DPP6: variants seen among roughly 807,000 people sequenced by gnomAD.
The protein encoded by DPP6 is dipeptidyl peptidase like 6, also known as A-type potassium channel modulatory protein DPP6.
Under a neutral mutation model 122.6 loss-of-function variants are expected in DPP6, and 69 were observed. That is an observed-to-expected ratio of 0.56 (90% CI 0.46 to 0.69). The LOEUF (loss-of-function observed/expected upper bound fraction) is 0.69. Ranked by LOEUF, DPP6 falls within the 30% of genes least tolerant of loss-of-function variation. The probability of loss-of-function intolerance (pLI) is 0.00; values close to 1 mark genes in which losing one functional copy is unlikely to be tolerated. For missense variants in DPP6, 928 were observed against 1,116.9 expected (o/e 0.83, Z 2.41); for synonymous variants, 418 against 433.1 (o/e 0.97, Z 0.43).
chr7:154,196,796 G>C (rs1217306003), intron 1 of DPP6, among the ~76,000 whole-genome samples: 1 of 152,102 alleles, frequency 6.6e-6, no homozygotes, highest in Admixed American at 6.5e-5. Context: ...AGCTCCCCAG[G>C]CTGGCTTTAT....
intron 2 of DPP6, among the ~76,000 whole-genome samples, chr7:154,451,147 G>A (rs1231786214): frequency 6.6e-6 from 1 of 152,042 alleles, no homozygotes; most frequent in Non-Finnish European, 1.5e-5. Flanking sequence ...CAGATCACGA[G>A]GTCAGGAGAT....
At chr7:153,936,609 A>G (rs1201237919) in intron 1 of DPP6, among the ~76,000 whole-genome samples, 1 of 151,980 alleles carries the variant, frequency 6.6e-6, no homozygotes, top group Non-Finnish European at 1.5e-5. Flanking sequence ...GATCGAGACC[A>G]TCCTGGCTAA....
chr7:154,060,031 C>A (rs1405430224), intron 1 of DPP6, among the ~76,000 whole-genome samples: 3 of 151,046 alleles, frequency 2.0e-5, no homozygotes, highest in Non-Finnish European at 1.5e-5. Context: ...GCACCCCCCG[C>A]GAGGCGGGGA....
chr7:154,206,468 A>G (rs982611966), intron 1 of DPP6, among the ~76,000 whole-genome samples: 2 of 152,178 alleles, frequency 1.3e-5, no homozygotes, highest in Admixed American at 1.3e-4. Flanking sequence ...CATATTGCTC[A>G]TCGGGGGTCA....
In DPP6 at chr7:154,843,333, C is replaced by G. The variant is rs185531730; in HGVS notation, c.1667-10447C>G. On this transcript the variant is annotated intron_variant, in intron 16 of 25. Transcript: ENST00000377770. The stretch of plus-strand genomic sequence containing the variant: ...ATAAATATATAAATAACAGCATATC[C>G]TATGTTCCAAGACTAGACCTAAACA... 2.6e-3 allele frequency among the ~76,000 whole-genome samples: 394 copies of G among 152,274 alleles called. 1 individual carries two copies. The highest frequency in any genetic ancestry group is 9.3e-3 in the African/African-American group (385 of 41,552).
chr7:153,808,110 G>A, the DPP6 span, among the ~76,000 whole-genome samples: 4 of 152,094 alleles, frequency 2.6e-5, no homozygotes, highest in Non-Finnish European at 5.9e-5. Flanking sequence ...GAGCGATATG[G>A]TGTTTTGATA....
At chr7:154,031,659 A>G (rs2533794) in intron 1 of DPP6, among the ~76,000 whole-genome samples, 12 of 152,082 alleles carry the variant, frequency 7.9e-5, no homozygotes, top group Admixed American at 1.3e-4. Context: ...CAGTCTCTGG[A>G]GATTCCCTTC....
In DPP6 at chr7:154,268,357, C is replaced by T. The variant is rs532481918; in HGVS notation, c.244-177857C>T. Among the ~76,000 whole-genome samples, 5 of 152,252 alleles carry T rather than the reference C, an allele frequency of 3.3e-5. No individual in the cohort carries two copies. The East Asian group carries it at 9.7e-4, about 29-fold the overall frequency. On this transcript the variant is annotated intron_variant, in intron 1 of 25. Coordinates refer to ENST00000377770, the MANE Select transcript of DPP6 (RefSeq NM_130797.4). ...GCTCACGGTTCTGGAACTTGGAAGT[C>T]CAAGATCAAAGTGGAAACAGATTCA...
intron 16 of DPP6, among the ~76,000 whole-genome samples, chr7:154,852,779 G>C (rs543677159): frequency 6.6e-6 from 1 of 152,240 alleles, no homozygotes; most frequent in African/African-American, 2.4e-5. Flanking sequence ...GTGTGGTAAT[G>C]AGTTCTACAA....
intron 1 of DPP6, among the ~76,000 whole-genome samples, chr7:153,900,007 A>T (rs1035821892): frequency 6.6e-6 from 1 of 152,336 alleles, no homozygotes; most frequent in African/African-American, 2.4e-5. Context: ...GTGGTTCCCA[A>T]CATGATGTGA....
chr7:154,370,410 A>T (rs2151117916), intron 1 of DPP6, among the ~76,000 whole-genome samples: 1 of 152,056 alleles, frequency 6.6e-6, no homozygotes, highest in South Asian at 2.1e-4. Flanking sequence ...GCTGGATGGG[A>T]GTTGAGAGTG....
chr7:153,863,418 C>T, the DPP6 span, among the ~76,000 whole-genome samples: 2 of 152,102 alleles, frequency 1.3e-5, no homozygotes, highest in Non-Finnish European at 2.9e-5. Context: ...CAACAACAAA[C>T]CTTCCAAGTG....
chr7:154,187,979 G>C (rs1798430796), intron 1 of DPP6, among the ~76,000 whole-genome samples: 2 of 152,100 alleles, frequency 1.3e-5, no homozygotes, highest in South Asian at 2.1e-4. Context: ...GTTGAGAACA[G>C]TAGAACCGTC....
At chr7:153,753,952 C>T in the DPP6 span, among the ~76,000 whole-genome samples, 1 of 152,304 alleles carries the variant, frequency 6.6e-6, no homozygotes, top group East Asian at 1.9e-4. Flanking sequence ...TGTTTCTTCT[C>T]AAGGTTTTCA....
chr7:154,656,636 TTGGACCACTCAC>T (rs1393460230), intron 6 of DPP6, among the ~76,000 whole-genome samples: 1 of 152,146 alleles, frequency 6.6e-6, no homozygotes, highest in Non-Finnish European at 1.5e-5. Flanking sequence ...GCCCTCAGAT[TTGGACCACTCAC>T]TGGATTGGAC....
In DPP6 at chr7:154,260,168, G is replaced by A. The variant is rs569466649; in HGVS notation, c.244-186046G>A. On this transcript the variant is annotated intron_variant, in intron 1 of 25. Transcript: ENST00000377770. ...AGAGGCAGCCACAAGTCTGTGGGGT[G>A]GGAGCGGTAGGAGAGGATGTGGGCT... 2.6e-5 allele frequency among the ~76,000 whole-genome samples: 4 copies of A among 152,294 alleles called. No individual in the cohort carries two copies. In the East Asian group the frequency reaches 7.7e-4, roughly 29 times the overall value.
intron 9 of DPP6, among the ~76,000 whole-genome samples, chr7:154,770,337 T>G (rs1043019625): frequency 6.6e-6 from 1 of 152,180 alleles, no homozygotes; most frequent in Admixed American, 6.5e-5. Context: ...CTTGTGAGAC[T>G]TATTCACTAT....
At chr7:153,757,394 A>T in the DPP6 span, among the ~76,000 whole-genome samples, 4 of 152,350 alleles carry the variant, frequency 2.6e-5, no homozygotes, top group African/African-American at 9.6e-5. Context: ...AAAAAAGCTG[A>T]CAATTCACTG....
intron 1 of DPP6, among the ~76,000 whole-genome samples, chr7:154,250,345 G>A (rs1289374836): frequency 3.3e-5 from 5 of 152,058 alleles, no homozygotes; most frequent in African/African-American, 1.2e-4. Flanking sequence ...CTCCTCTAAT[G>A]GAAACAGGAA....
Sources: gnomAD v4.1 joint callset for allele counts (sites outside exome capture counted in the v4.1 genomes callset) on GRCh38, gnomAD v4.1.1 for gene constraint, MANE v1.5 for transcripts, NCBI Gene and HGNC (gene_info 2026-07-23, HGNC 2026-07-21) for gene names.